The following ADAM28 variants were observed in gnomAD, a reference collection of about 807,000 sequenced individuals.
ADAM28 encodes ADAM metallopeptidase domain 28.
ADAM28 carries 105 observed loss-of-function variants against 101.2 expected under a neutral mutation model. The ratio of observed to expected loss-of-function variants is 1.04; its 90% confidence interval spans 0.89 to 1.22. The LOEUF (loss-of-function observed/expected upper bound fraction) is 1.22, where lower values mean the gene tolerates loss of function less well. Ranked by LOEUF, ADAM28 falls within the 50% of genes most tolerant of loss-of-function variation. ADAM28 has a pLI of 0.00. For synonymous variants in ADAM28, 322 were observed against 310.6 expected (o/e 1.04, Z -0.39); for missense variants, 1,028 against 945.4 (o/e 1.09, Z -1.15).
At chr8:24,309,797 A>G in intron 2 of ADAM28, 97 bp from the exon 3 acceptor site, 1 of 936,342 alleles carries the variant, frequency 1.1e-6, no homozygotes, top group Non-Finnish European at 1.7e-6. Context: ...ATACTGCTAA[A>G]AAATAGATAT....
chr8:24,331,529 G>C (rs1422273076), intron 12 of ADAM28, among the ~76,000 whole-genome samples: 1 of 152,056 alleles, frequency 6.6e-6, no homozygotes, highest in East Asian at 1.9e-4. Flanking sequence ...TTCTCCCCCA[G>C]GTTTCCAACC....
rs1816744849 is a variant in ADAM28, at chr8:24,357,264, T to G, written c.*2860T>G. On this transcript the variant is annotated 3_prime_UTR_variant, in exon 23 of 23. Transcript: ENST00000265769. ...ATTAATATGTGTTGTTTAAAGTTGT[T>G]ATGGTTTGGAGATATTTGTTATGCA... is the stretch of plus-strand genomic sequence containing the variant. 6.6e-6 allele frequency: 1 copy of G among 152,220 alleles called. No homozygotes were observed. The highest frequency in any genetic ancestry group is 2.4e-5 in the African/African-American group (1 of 41,454). The allele number at this position is 152,220 out of a possible 1,614,324, so 9.4% of individuals were successfully genotyped here. A position where few individuals can be genotyped will look rare whatever the true frequency, so the allele number is the denominator to read the frequency against.
At chr8:24,300,832 A>G (rs1808655806) in intron 2 of ADAM28, 1 of 152,192 alleles carries the variant, frequency 6.6e-6, no homozygotes, top group Admixed American at 6.5e-5. Flanking sequence ...GAAACAGAAA[A>G]CAAAATACAG....
At chr8:24,306,369 TATATATATATATATATTTAAAA>T (rs1809662052) in intron 2 of ADAM28, among the ~76,000 whole-genome samples, 2 of 135,692 alleles carry the variant, frequency 1.5e-5, no homozygotes, top group Non-Finnish European at 3.1e-5. Flanking sequence ...AATAAATATA[TATATATATATATATATTTAAAA>T]ATATATATAT....
intron 16 of ADAM28, 90 bp from the exon 17 acceptor site, chr8:24,343,011 A>G: frequency 6.4e-7 from 1 of 1,573,310 alleles, no homozygotes. Flanking sequence ...GCCACCTTAA[A>G]CAACATCTGC....
Position 24,325,884 on chromosome 8 carries a change from A to AC in ADAM28, c.891-670_891-669insC, listed in dbSNP as rs774257371. Among the ~76,000 whole-genome samples the AC allele has an allele frequency of 1.3e-3, 150 of 119,674 alleles. 1 individual carries two copies. In the East Asian group the frequency reaches 0.016, roughly 13 times the overall value. 78.5% of individuals were successfully genotyped at this position (119,674 alleles called of 152,430 possible). ...TTGTACAGATAGCAAAAAAAAAAAAAAAAAAAAAAAAAAAAACCAAAAAAC... is the reference window on the plus strand; with the variant it reads ...TTGTACAGATAGCAAAAAAAAAAAAACAAAAAAAAAAAAAAAACCAAAAAAC... On this transcript the variant is annotated intron_variant, in intron 9 of 22. Transcript: ENST00000265769.
chr8:24,321,555 CAA>C, intron 8 of ADAM28: 1 of 405,352 alleles, frequency 2.5e-6, no homozygotes, highest in Non-Finnish European at 4.5e-6. Flanking sequence ...TTGTATTTTC[CAA>C]AAATCCGCTA....
rs777785414 is a variant in ADAM28, at chr8:24,355,949, T to TATCA, written c.*1550_*1553dup. On this transcript the variant is annotated 3_prime_UTR_variant, in exon 23 of 23. Coordinates refer to ENST00000265769, the MANE Select transcript of ADAM28 (RefSeq NM_014265.6). ...TGTATTTGTCTGCTTCACCCATTTC[T>TATCA]ATCAATCACTTACCTGGTCCCCACA... 4.6e-5 allele frequency: 7 copies of TATCA among 152,296 alleles called. No individual in the cohort carries two copies. Among genetic ancestry groups the TATCA allele is most frequent in the African/African-American group, 4.8e-5 (2 of 41,560 alleles). The allele number at this position is 152,296 out of a possible 1,614,324, so 9.4% of individuals were successfully genotyped here. A position where few individuals can be genotyped will look rare whatever the true frequency, so the allele number is the denominator to read the frequency against.
rs772430613 is a variant in ADAM28, at chr8:24,330,094, G to A, written c.1082G>A (p.Cys361Tyr). ...DYSCKCPSTICVMDKALSFYI... is the reference protein window; with the variant it reads ...DYSCKCPSTIYVMDKALSFYI... ...TCTTGCAAGTGTCCTTCTACAATAT[G>A]TGTGATGGACAAAGCACTGAGGTGA... is the stretch of plus-strand genomic sequence containing the variant. The change falls in exon 11 of 23, where the codon TGT becomes TAT. Residue 361 changes from cysteine to tyrosine, a missense_variant. By Grantham distance (194) the Cys-to-Tyr change is radical. Transcript: ENST00000265769. The A allele has an allele frequency of 1.9e-6, 3 of 1,613,472 alleles. No homozygotes were observed. Among genetic ancestry groups the A allele is most frequent in the Admixed American group, 3.3e-5 (2 of 59,920 alleles).
chr8:24,311,176 C>T (rs2129266524), intron 4 of ADAM28, among the ~76,000 whole-genome samples, 185 bp from the exon 5 acceptor site: 1 of 152,266 alleles, frequency 6.6e-6, no homozygotes, highest in South Asian at 2.1e-4. Flanking sequence ...GGATCATTAA[C>T]TGACATTAAC....
chr8:24,331,788 A>G (rs1563306527), intron 12 of ADAM28, among the ~76,000 whole-genome samples: 2 of 152,136 alleles, frequency 1.3e-5, no homozygotes, highest in Non-Finnish European at 1.5e-5. Context: ...CACCCAGCAC[A>G]GGGATCTGGT....
intron 8 of ADAM28, among the ~76,000 whole-genome samples, chr8:24,322,041 G>T (rs1811946084): frequency 6.6e-6 from 1 of 151,918 alleles, no homozygotes. Context: ...ACAACATAAT[G>T]CTGTAATATA....
In ADAM28 at chr8:24,306,855, A is replaced by G. The variant is rs565793721; in HGVS notation, c.151-3039A>G. 2.6e-5 allele frequency among the ~76,000 whole-genome samples: 4 copies of G among 152,250 alleles called. No homozygotes were observed. The South Asian group carries it at 8.3e-4, about 32-fold the overall frequency. The stretch of plus-strand genomic sequence containing the variant: ...CAGATTCTGTCCTATCCACAGATCT[A>G]AGGTTCCTAATGCTGCTGCATGCCT... On this transcript the variant is annotated intron_variant, in intron 2 of 22. Transcript: ENST00000265769.
At position 24,356,473 on chromosome 8, in the gene ADAM28, C is replaced by A. The variant is rs1433545084; in HGVS notation, c.*2069C>A. ...AGTTCCTAAATGATGTCACTAGGTC[C>A]CTGATGCAGATGCATCATACGTCCT... On this transcript the variant is annotated 3_prime_UTR_variant, in exon 23 of 23. Transcript: ENST00000265769. The A allele has an allele frequency of 6.6e-6, 1 of 152,098 alleles. No individual in the cohort carries two copies. The highest frequency in any genetic ancestry group is 1.5e-5 in the Non-Finnish European group (1 of 67,998). 9.4% of individuals were successfully genotyped at this position (152,098 alleles called of 1,614,324 possible). A position where few individuals can be genotyped will look rare whatever the true frequency, so the allele number is the denominator to read the frequency against.
intron 14 of ADAM28, 193 bp downstream of exon 14, chr8:24,335,834 C>T (rs1813962301): frequency 8.0e-7 from 1 of 1,252,554 alleles, no homozygotes; most frequent in East Asian, 3.1e-5. Flanking sequence ...AAGGATGGCC[C>T]CGTTAAATTT....
chr8:24,341,584 G>A lies in ADAM28; in HGVS notation c.1671-14G>A. On this transcript the variant is annotated splice_polypyrimidine_tract_variant and intron_variant, in intron 15 of 22. Transcript: ENST00000265769. Reference sequence around the variant, plus strand: ...CAATTTGAATCCTGCAATACATTTTGGCTTTTTCCTCAGTGATACCATGTG... The same window carrying A: ...CAATTTGAATCCTGCAATACATTTTAGCTTTTTCCTCAGTGATACCATGTG... 3.1e-6 allele frequency: 5 copies of A among 1,607,924 alleles called. No homozygotes were observed. The highest frequency in any genetic ancestry group is 4.3e-6 in the Non-Finnish European group (5 of 1,176,200).
intron 2 of ADAM28, chr8:24,308,811 G>C: frequency 4.8e-6 from 2 of 416,644 alleles, no homozygotes; most frequent in Middle Eastern, 7.1e-4. Context: ...CTAAATCCCA[G>C]CACGGTGCTC....
intron 1 of ADAM28, among the ~76,000 whole-genome samples, chr8:24,299,137 G>T (rs1808373108): frequency 6.6e-6 from 1 of 152,194 alleles, no homozygotes; most frequent in Admixed American, 6.5e-5. Flanking sequence ...AGGCTGCAGT[G>T]AACCCTGTTT....
chr8:24,347,081 A>ATGCTTTCAAGATCATCCATTCTAGTGAT (rs1342365197), intron 18 of ADAM28: 77 of 152,082 alleles, frequency 5.1e-4, no homozygotes, highest in South Asian at 4.8e-3. Flanking sequence ...TCTCTACCTT[A>ATGCTTTCAAGATCATCCATTCTAGTGAT]TGCTTTCAAG....
Sources: gnomAD v4.1 joint callset for allele counts (sites outside exome capture counted in the v4.1 genomes callset) on GRCh38, gnomAD v4.1.1 for gene constraint, MANE v1.5 for transcripts, NCBI Gene and HGNC (gene_info 2026-07-23, HGNC 2026-07-21) for gene names.